ASTN1: variants seen among roughly 807,000 people sequenced by gnomAD.
The protein encoded by ASTN1 is astrotactin-1.
A neutral mutation model predicts 140.7 loss-of-function variants in ASTN1; 41 were observed. The ratio of observed to expected loss-of-function variants is 0.29; its 90% CI spans 0.23 to 0.38. The LOEUF (loss-of-function observed/expected upper bound fraction) is 0.38, where lower values mean the gene tolerates loss of function less well. Among genes scored for constraint, ASTN1 ranks in the 10% least tolerant of loss-of-function variants. The pLI is 1.00. For synonymous variants in ASTN1, 640 were observed against 652.2 expected (o/e 0.98, Z 0.29); for missense variants, 1,479 against 1,678.8 (o/e 0.88, Z 2.08).
At chr1:177,123,585 A>T (rs1024373358) in intron 1 of ASTN1, among the ~76,000 whole-genome samples, 2 of 152,286 alleles carry the variant, frequency 1.3e-5, no homozygotes, top group Admixed American at 6.5e-5. Flanking sequence ...GTGACCACAG[A>T]TCATGGAAGG....
In ASTN1 at chr1:177,061,176, G is replaced by C. The variant is rs1293090042; in HGVS notation, c.373C>G (p.Gln125Glu). 1 of 1,611,362 alleles carries C rather than the reference G, an allele frequency of 6.2e-7. No homozygotes were observed. The highest frequency in any genetic ancestry group is 8.5e-7 in the Non-Finnish European group (1 of 1,178,846). Residue 125 changes from glutamine (Q) to glutamate (E), a missense_variant, in exon 2 of 23, where the codon CAA becomes GAA. Gln to Glu is a conservative substitution (Grantham distance 29). Transcript: ENST00000361833. ...CCAGGAAGGCTTGGGGCACCATCTT[G>C]GTGATGAATGTGAAAAAGCAAAGTG... ...NGTLLFHIHH[Q>E]DGAPSLPGQD...
chr1:176,951,316 G>A (rs1026566302), intron 11 of ASTN1, among the ~76,000 whole-genome samples: 1 of 152,236 alleles, frequency 6.6e-6, no homozygotes, highest in Non-Finnish European at 1.5e-5. Flanking sequence ...GGCCAGATGT[G>A]CCACCAGAAG....
chr1:176,901,228 G>A (rs1037395244), intron 16 of ASTN1, among the ~76,000 whole-genome samples: 1 of 152,188 alleles, frequency 6.6e-6, no homozygotes, highest in African/African-American at 2.4e-5. Flanking sequence ...TTTGGGGAAA[G>A]ACTGCAAAAA....
At chr1:176,897,133 G>A (rs748717157) in intron 16 of ASTN1, among the ~76,000 whole-genome samples, 5 of 151,892 alleles carry the variant, frequency 3.3e-5, no homozygotes, top group Non-Finnish European at 7.4e-5. Flanking sequence ...AAATTAGCTC[G>A]GCATGGTGGC....
At chr1:177,112,189 T>A (rs1433726021) in intron 1 of ASTN1, among the ~76,000 whole-genome samples, 1 of 152,250 alleles carries the variant, frequency 6.6e-6, no homozygotes, top group Non-Finnish European at 1.5e-5. Flanking sequence ...CTCTGGCTAC[T>A]GTTGGGGTCA....
intron 8 of ASTN1, among the ~76,000 whole-genome samples, chr1:176,995,304 TCA>T (rs1674386560): frequency 6.6e-6 from 1 of 152,170 alleles, no homozygotes; most frequent in Admixed American, 6.5e-5. Context: ...ATCATTATAA[TCA>T]CAGTTTGAAT....
intron 8 of ASTN1, among the ~76,000 whole-genome samples, chr1:176,979,167 G>A (rs1673496129): frequency 6.6e-6 from 1 of 152,150 alleles, no homozygotes; most frequent in Non-Finnish European, 1.5e-5. Flanking sequence ...GGGGATCATG[G>A]AACTTCCATG....
chr1:177,048,129 C>A (rs182697969), intron 2 of ASTN1, among the ~76,000 whole-genome samples: 60 of 152,236 alleles, frequency 3.9e-4, no homozygotes, highest in Non-Finnish European at 7.2e-4. Context: ...CAAGCCTGAT[C>A]AAAGAGGCAA....
At chr1:177,014,725 CA>C in intron 8 of ASTN1, 65 bp downstream of exon 8, 1 of 1,451,858 alleles carries the variant, frequency 6.9e-7, no homozygotes. Context: ...GCAGTTGCTC[CA>C]CGTCATGTCT....
intron 9 of ASTN1, among the ~76,000 whole-genome samples, chr1:176,963,351 G>A (rs1672746733): frequency 6.6e-6 from 1 of 152,154 alleles, no homozygotes; most frequent in Non-Finnish European, 1.5e-5. Context: ...GTCGTTGGTA[G>A]GTGGTTTACT....
rs1391234284 is a variant in ASTN1, at chr1:177,030,909, A to G, written c.909T>C (p.Asp303=). 3 of 1,614,102 alleles carry G rather than the reference A, an allele frequency of 1.9e-6. No homozygotes were observed. Among genetic ancestry groups the G allele is most frequent in the Non-Finnish European group, 2.5e-6 (3 of 1,180,000 alleles). The part of the protein sequence containing the change: ...AKLSLMNKYK[D]NIIATSPVDS... Reference sequence around the variant, plus strand: ...CCACAGGGCTAGTGGCTATAATATTATCTTTATACTTGTTCATCAGTGACA... The same window carrying G: ...CCACAGGGCTAGTGGCTATAATATTGTCTTTATACTTGTTCATCAGTGACA... Residue 303 remains aspartate (D), a synonymous_variant, in exon 4 of 23, where the codon GAT becomes GAC. Transcript: ENST00000361833.
chr1:176,906,004 G>C (rs1448798031), intron 16 of ASTN1, among the ~76,000 whole-genome samples: 1 of 152,240 alleles, frequency 6.6e-6, no homozygotes, highest in African/African-American at 2.4e-5. Context: ...TGGCCACTAG[G>C]CCGAGGGATG....
chr1:177,138,723 T>A (rs770288691), intron 1 of ASTN1, among the ~76,000 whole-genome samples: 14 of 152,202 alleles, frequency 9.2e-5, no homozygotes, highest in African/African-American at 1.9e-4. Flanking sequence ...TTAATCAGGA[T>A]ATCACTGAAC....
Position 177,029,862 on chromosome 1 carries a change from G to A in ASTN1, c.1013-121C>T, listed in dbSNP as rs1014934659. ...GAAAGTAAGCTGACTGATAATCTGG[G>A]AGAAATAGCCAAGGGGGTTGGGGCT... On this transcript the variant is annotated intron_variant, in intron 4 of 22. Coordinates refer to ENST00000361833, the MANE Select transcript of ASTN1 (RefSeq NM_004319.3). 4.2e-6 allele frequency: 4 copies of A among 949,220 alleles called. No individual in the cohort carries two copies. The African/African-American group carries it at 6.6e-5, about 16-fold the overall frequency. The allele number at this position is 949,220 out of a possible 1,614,324, so 58.8% of individuals were successfully genotyped here.
intron 1 of ASTN1, among the ~76,000 whole-genome samples, chr1:177,092,048 T>G (rs1679780693): frequency 6.6e-6 from 1 of 152,188 alleles, no homozygotes; most frequent in Non-Finnish European, 1.5e-5. Flanking sequence ...ATATGGTAAT[T>G]CTATGTTTAA....
Position 177,120,809 on chromosome 1 carries a change from T to A in ASTN1, c.283+43585A>T, listed in dbSNP as rs147799797. 5.9e-4 allele frequency among the ~76,000 whole-genome samples: 90 copies of A among 152,286 alleles called. 1 individual carries two copies. In the East Asian group the frequency reaches 0.017, roughly 28 times the overall value. ...GAGTCCAGGCACCAGAAAGGGGGCATTCACCTAACTGGACGATGTGCTGAA... is the reference window on the plus strand; with the variant it reads ...GAGTCCAGGCACCAGAAAGGGGGCAATCACCTAACTGGACGATGTGCTGAA... On this transcript the variant is annotated intron_variant, in intron 1 of 22. Coordinates refer to ENST00000361833, the MANE Select transcript of ASTN1 (RefSeq NM_004319.3).
chr1:177,095,809 G>T (rs1049638637), intron 1 of ASTN1, among the ~76,000 whole-genome samples: 3 of 152,160 alleles, frequency 2.0e-5, no homozygotes, highest in Non-Finnish European at 4.4e-5. Flanking sequence ...CTCCAGACCA[G>T]TAGAGACACT....
intron 5 of ASTN1, chr1:177,029,399 T>C: frequency 1.4e-6 from 1 of 726,072 alleles, no homozygotes; most frequent in Non-Finnish European, 2.6e-6. Context: ...TTTCAAACAA[T>C]TTGGAAACTT....
intron 14 of ASTN1, among the ~76,000 whole-genome samples, chr1:176,940,412 T>A (rs1481195280): frequency 6.6e-6 from 1 of 152,174 alleles, no homozygotes; most frequent in East Asian, 1.9e-4. Context: ...ACTTCCCTAT[T>A]TTTTTCCCAG....
Sources: gnomAD v4.1 joint callset for allele counts (sites outside exome capture counted in the v4.1 genomes callset) on GRCh38, gnomAD v4.1.1 for gene constraint, MANE v1.5 for transcripts, NCBI Gene and HGNC (gene_info 2026-07-23, HGNC 2026-07-21) for gene names.